Variants in ZNF407 observed in about 807,000 individuals in gnomAD.
ZNF407 encodes the protein zinc finger protein 407.
Under a neutral mutation model 131.2 loss-of-function variants are expected in ZNF407, and 17 were observed. The observed-to-expected ratio is 0.13, with a 90% confidence interval of 0.09 to 0.19. The LOEUF (loss-of-function observed/expected upper bound fraction) is 0.19, where lower values mean the gene tolerates loss of function less well. ZNF407 is among the 10% of genes least tolerant of loss of function. The probability of loss-of-function intolerance (pLI) is 1.00; values close to 1 mark genes in which losing one functional copy is unlikely to be tolerated. For missense variants in ZNF407, 2,681 were observed against 2,830.6 expected (o/e 0.95, Z 1.20); for synonymous variants, 1,156 against 1,062.0 (o/e 1.09, Z -1.72).
intron 3 of ZNF407, among the ~76,000 whole-genome samples, chr18:74,727,567 C>T (rs763547777): frequency 4.6e-5 from 7 of 152,094 alleles, no homozygotes; most frequent in East Asian, 1.9e-4. Flanking sequence ...ATGAAGTCTC[C>T]GAGTAGCTTT....
At position 74,787,447 on chromosome 18, in the gene ZNF407, A is replaced by G. The variant is rs963887811; in HGVS notation, c.4877+5945A>G. Among the ~76,000 whole-genome samples the G allele has an allele frequency of 3.9e-5, 6 of 152,296 alleles. 1 individual carries two copies. The highest frequency in any genetic ancestry group is 1.4e-4 in the African/African-American group (6 of 41,566). On this transcript the variant is annotated intron_variant, in intron 4 of 8. Transcript: ENST00000299687. ...AACTTCTGCTTCATAAGTTTTGCAG[A>G]TGAAAGTTAACAAAAGTCAGCATCT... is the stretch of plus-strand genomic sequence containing the variant.
rs71170316 is a variant in ZNF407, at chr18:74,763,196, CTTTTTTTTTTTTTT to C, written c.4803-18218_4803-18205del. Among the ~76,000 whole-genome samples the C allele has an allele frequency of 8.4e-3, 149 of 17,790 alleles. 2 individuals are homozygous for C. Among genetic ancestry groups the C allele is most frequent in the Non-Finnish European group, 0.016 (133 of 8,424 alleles). 11.7% of individuals were successfully genotyped at this position (17,790 alleles called of 152,430 possible). On this transcript the variant is annotated intron_variant, in intron 3 of 8. Transcript: ENST00000299687. ...ATGATTTTGAGCATCTTCTTAGGAC[CTTTTTTTTTTTTTT>C]TTTTTTTTTTTTTGCCATGTGTATT...
At chr18:75,000,620 A>T (rs1254950277) in intron 8 of ZNF407, among the ~76,000 whole-genome samples, 1 of 152,224 alleles carries the variant, frequency 6.6e-6, no homozygotes, top group Admixed American at 6.5e-5. Flanking sequence ...ATGCAAAAAA[A>T]TAGCTATCTG....
intron 7 of ZNF407, among the ~76,000 whole-genome samples, chr18:74,902,853 A>C (rs1971547493): frequency 6.6e-6 from 1 of 152,204 alleles, no homozygotes; most frequent in African/African-American, 2.4e-5. Context: ...ACGTAGTATA[A>C]ATATTGGACT....
At chr18:74,943,324 T>C (rs1972121132) in intron 8 of ZNF407, among the ~76,000 whole-genome samples, 1 of 152,274 alleles carries the variant, frequency 6.6e-6, no homozygotes, top group Non-Finnish European at 1.5e-5. Context: ...ATAGTGATTT[T>C]AGCACATTGC....
At chr18:75,040,893 C>T (rs1461846744) in intron 8 of ZNF407, among the ~76,000 whole-genome samples, 6 of 152,148 alleles carry the variant, frequency 3.9e-5, no homozygotes, top group African/African-American at 1.4e-4. Context: ...TAGAGCTCCA[C>T]GTGTGATGCC....
At chr18:74,863,861 C>T (rs1970972879) in intron 4 of ZNF407, among the ~76,000 whole-genome samples, 1 of 152,150 alleles carries the variant, frequency 6.6e-6, no homozygotes, top group Non-Finnish European at 1.5e-5. Context: ...ACCACCTTTG[C>T]ATATCTGAAC....
chr18:75,056,347 A>G (rs1227878590), intron 8 of ZNF407, among the ~76,000 whole-genome samples: 2 of 152,242 alleles, frequency 1.3e-5, no homozygotes, highest in African/African-American at 4.8e-5. Flanking sequence ...TAATGGAGAA[A>G]CATGAGGTAC....
At chr18:74,783,787 A>G (rs1225421173) in intron 4 of ZNF407, among the ~76,000 whole-genome samples, 1 of 152,204 alleles carries the variant, frequency 6.6e-6, no homozygotes, top group Non-Finnish European at 1.5e-5. Flanking sequence ...GTACCTTTTA[A>G]GTACTTCAAG....
intron 3 of ZNF407, among the ~76,000 whole-genome samples, chr18:74,780,903 G>C (rs994714099): frequency 2.0e-5 from 3 of 151,860 alleles, no homozygotes; most frequent in African/African-American, 7.3e-5. Context: ...TGATATCTAG[G>C]TACTTCAATA....
intron 8 of ZNF407, among the ~76,000 whole-genome samples, chr18:75,000,057 T>C (rs1371882450): frequency 6.6e-6 from 1 of 152,202 alleles, no homozygotes; most frequent in Non-Finnish European, 1.5e-5. Flanking sequence ...GTGCTGGTGC[T>C]GTGGATTTGT....
At position 74,632,891 on chromosome 18, in the gene ZNF407, T is replaced by C; in HGVS notation, c.1872T>C (p.Phe624=). ...HFLCTPCNLF[F]LSEKDVEEHK... ...TTTGCACCCCTTGTAATCTGTTCTTTTTGTCTGAAAAAGATGTGGAAGAAC... is the reference window on the plus strand; with the variant it reads ...TTTGCACCCCTTGTAATCTGTTCTTCTTGTCTGAAAAAGATGTGGAAGAAC... Residue 624 remains phenylalanine, a synonymous_variant, in exon 2 of 9, where the codon TTT becomes TTC. Transcript: ENST00000299687. 1 of 1,613,474 alleles carries C rather than the reference T, an allele frequency of 6.2e-7. No homozygotes were observed. The highest frequency in any genetic ancestry group is 1.3e-5 in the African/African-American group (1 of 75,008).
intron 8 of ZNF407, among the ~76,000 whole-genome samples, chr18:74,948,399 G>T (rs1250722379): frequency 1.3e-5 from 2 of 152,138 alleles, no homozygotes; most frequent in African/African-American, 4.8e-5. Flanking sequence ...ACATGTTCCA[G>T]ATTGCTAGTT....
intron 3 of ZNF407, among the ~76,000 whole-genome samples, chr18:74,740,380 T>C (rs1968520803): frequency 1.3e-5 from 2 of 152,238 alleles, no homozygotes; most frequent in South Asian, 4.1e-4. Context: ...TAATACCTTC[T>C]GCAAGGATTG....
At chr18:74,861,284 G>A (rs1970933638) in intron 4 of ZNF407, among the ~76,000 whole-genome samples, 1 of 152,224 alleles carries the variant, frequency 6.6e-6, no homozygotes, top group South Asian at 2.1e-4. Flanking sequence ...TGTTGTGTAA[G>A]CAGCAGGCAA....
chr18:74,720,822 A>G (rs1304674807), intron 3 of ZNF407, among the ~76,000 whole-genome samples: 3 of 151,860 alleles, frequency 2.0e-5, no homozygotes, highest in Non-Finnish European at 4.4e-5. Flanking sequence ...TGGGTTCTCT[A>G]TTCTGTTCCA....
intron 4 of ZNF407, among the ~76,000 whole-genome samples, chr18:74,811,635 C>T (rs1599170629): frequency 1.3e-5 from 2 of 151,758 alleles, no homozygotes; most frequent in Admixed American, 1.3e-4. Context: ...AAATGTCCAA[C>T]AATGATAGAC....
chr18:74,722,863 C>T (rs1051719881), intron 3 of ZNF407, among the ~76,000 whole-genome samples: 2 of 152,142 alleles, frequency 1.3e-5, no homozygotes, highest in Non-Finnish European at 2.9e-5. Flanking sequence ...TCTCAGTGAG[C>T]CATTACCTCT....
At chr18:75,002,909 G>A (rs1202391732) in intron 8 of ZNF407, among the ~76,000 whole-genome samples, 9 of 152,108 alleles carry the variant, frequency 5.9e-5, no homozygotes, top group Admixed American at 5.9e-4. Context: ...AATAAAAGGT[G>A]GTATTGTGGC....
Sources: gnomAD v4.1 joint callset for allele counts (sites outside exome capture counted in the v4.1 genomes callset) on GRCh38, gnomAD v4.1.1 for gene constraint, MANE v1.5 for transcripts, NCBI Gene and HGNC (gene_info 2026-07-23, HGNC 2026-07-21) for gene names.